TSHZ3: variants seen among roughly 807,000 people sequenced by gnomAD.
TSHZ3 encodes the protein teashirt zinc finger homeobox 3, also known as teashirt homolog 3.
A neutral mutation model predicts 64.5 loss-of-function variants in TSHZ3; 10 were observed. That is an observed-to-expected ratio of 0.16 (90% CI 0.10 to 0.26). The LOEUF is 0.26. Ranked by LOEUF, TSHZ3 falls within the 10% of genes least tolerant of loss-of-function variation. TSHZ3 has a pLI of 1.00. For missense variants in TSHZ3, 1,242 were observed against 1,421.7 expected (o/e 0.87, Z 2.03); for synonymous variants, 608 against 593.1 (o/e 1.03, Z -0.36).
At chr19:31,339,805 A>AGG (rs1292620950) in intron 1 of TSHZ3, among the ~76,000 whole-genome samples, 3 of 150,346 alleles carry the variant, frequency 2.0e-5, no homozygotes, top group Non-Finnish European at 4.4e-5. Context: ...GGAAAAAAAA[A>AGG]AGGGGGGGGC....
chr19:31,183,152 C>T (rs1053380020), intron 5 of TSHZ3, among the ~76,000 whole-genome samples: 1 of 150,594 alleles, frequency 6.6e-6, no homozygotes, highest in Non-Finnish European at 1.5e-5. Context: ...ACAGCCTCTA[C>T]AATCATGTGA....
intron 5 of TSHZ3, among the ~76,000 whole-genome samples, chr19:31,180,361 T>G (rs1402027461): frequency 6.6e-6 from 1 of 152,184 alleles, no homozygotes; most frequent in Non-Finnish European, 1.5e-5. Context: ...TAGCAAATGT[T>G]GGAGATAATC....
chr19:31,276,637 G>T lies in TSHZ3; in HGVS notation c.3156C>A (p.Ser1052Arg). ...TAAGGTGAAGTTTAACAGCGTGCTT[G>T]CTGGCAAAGGTCCGATTGCAAAGTT... is the stretch of plus-strand genomic sequence containing the variant. The part of the protein sequence containing the change: ...QCKLCNRTFA[S>R]KHAVKLHLSK... Residue 1052 changes from serine (S) to arginine (R), a missense_variant, in exon 2 of 2, where the codon AGC becomes AGA. This residue lies in a region of TSHZ3 where 126 missense variants were observed against 140.6 expected (regional missense o/e 0.90). Transcript: ENST00000240587. 1 of 1,611,686 alleles carries T rather than the reference G, an allele frequency of 6.2e-7. No individual in the cohort carries two copies. The highest frequency in any genetic ancestry group is 8.5e-7 in the Non-Finnish European group (1 of 1,178,000).
chr19:31,208,902 A>C (rs1481128839), intron 4 of TSHZ3, among the ~76,000 whole-genome samples: 2 of 152,232 alleles, frequency 1.3e-5, no homozygotes, highest in Non-Finnish European at 2.9e-5. Flanking sequence ...CCAGGATTTT[A>C]GGACGGCTGG....
chr19:31,180,410 G>A (rs1360027081), intron 5 of TSHZ3, among the ~76,000 whole-genome samples: 1 of 152,122 alleles, frequency 6.6e-6, no homozygotes, highest in Admixed American at 6.5e-5. Context: ...TTTCTCTGGT[G>A]CACGTTTCCT....
chr19:31,163,880 C>A (rs1433188673), intron 5 of TSHZ3, among the ~76,000 whole-genome samples: 1 of 152,202 alleles, frequency 6.6e-6, no homozygotes, highest in Non-Finnish European at 1.5e-5. Context: ...GCTTACCCTG[C>A]ACCAGGCACC....
Position 31,278,517 on chromosome 19 carries a change from C to T in TSHZ3, c.1276G>A (p.Val426Met). The part of the protein sequence containing the change: ...NSAMKKGKPI[V>M]ETPVTPTITT... ...ATGGTAGGTGTGACAGGCGTCTCCA[C>T]AATGGGCTTCCCCTTTTTCATAGCA... is the stretch of plus-strand genomic sequence containing the variant. Residue 426 changes from valine (V) to methionine (M), a missense_variant, in exon 2 of 2, where the codon GTG (valine) becomes ATG (methionine). By Grantham distance (21) the Val-to-Met change is conservative. Around this residue, in one of 4 missense-constraint regions of TSHZ3, gnomAD observed 555 missense variants for 704.0 expected, o/e 0.79. Coordinates refer to ENST00000240587, the MANE Select transcript of TSHZ3 (RefSeq NM_020856.4). This position sits in a 1 kb window ranked among gnomAD's most constrained non-coding sequence, Gnocchi z 4.7. The T allele has an allele frequency of 4.3e-6, 7 of 1,614,158 alleles. No homozygotes were observed. The highest frequency in any genetic ancestry group is 5.9e-6 in the Non-Finnish European group (7 of 1,180,038).
Position 31,275,730 on chromosome 19 carries a change from AT to A in TSHZ3, c.*816del, listed in dbSNP as rs1976217565. The stretch of plus-strand genomic sequence containing the variant: ...TTCAGATAATGTTTCTGTATACTTT[AT>A]AAATGCTATCTGTGGTATCTTCTGT... On this transcript the variant is annotated 3_prime_UTR_variant, in exon 2 of 2. Transcript: ENST00000240587. 6.6e-6 allele frequency: 1 copy of A among 152,650 alleles called. No homozygotes were observed. The highest frequency in any genetic ancestry group is 1.5e-5 in the Non-Finnish European group (1 of 68,040). 9.5% of individuals were successfully genotyped at this position (152,650 alleles called of 1,614,324 possible).
Position 31,349,243 on chromosome 19 carries a change from T to C in TSHZ3, c.-24A>G. 6.8e-7 allele frequency: 1 copy of C among 1,470,582 alleles called. No individual in the cohort carries two copies. The highest frequency in any genetic ancestry group is 1.4e-5 in the African/African-American group (1 of 69,528). 91.1% of individuals were successfully genotyped at this position (1,470,582 alleles called of 1,614,324 possible). The stretch of plus-strand genomic sequence containing the variant: ...ATGATGCTTCTCCGGCGACTGCCAC[T>C]GCCGCCGCCGCCGCCGCTGCCGGGC... On this transcript the variant is annotated 5_prime_UTR_variant, in exon 1 of 2. Transcript: ENST00000240587.
At chr19:31,238,772 T>C (rs915512421) in intron 3 of TSHZ3, among the ~76,000 whole-genome samples, 7 of 152,224 alleles carry the variant, frequency 4.6e-5, no homozygotes, top group Admixed American at 6.5e-5. Context: ...AATGTCTTGT[T>C]ATTTATTTTT....
At chr19:31,282,099 C>T (rs2145118873) in intron 1 of TSHZ3, among the ~76,000 whole-genome samples, 1 of 152,302 alleles carries the variant, frequency 6.6e-6, no homozygotes, top group South Asian at 2.1e-4. Flanking sequence ...TTTAGCTAGA[C>T]ACAGCCCACT....
At chr19:31,311,726 ATTTG>A (rs371758869) in intron 1 of TSHZ3, among the ~76,000 whole-genome samples, 11 of 151,666 alleles carry the variant, frequency 7.3e-5, no homozygotes, top group South Asian at 2.1e-4. Flanking sequence ...ACCCCTCTTT[ATTTG>A]TTTGTTTATT....
intron 3 of TSHZ3, among the ~76,000 whole-genome samples, chr19:31,233,759 C>T (rs533623916): frequency 5.3e-5 from 8 of 152,250 alleles, no homozygotes; most frequent in African/African-American, 1.9e-4. Context: ...TTCTTCAAAA[C>T]AACGTGAGCA....
At chr19:31,350,281 C>A (rs1026179336), upstream of TSHZ3, among the ~76,000 whole-genome samples, 9 of 151,082 alleles carry the variant, frequency 6.0e-5, no homozygotes, top group Non-Finnish European at 1.2e-4. Context: ...TCCCCCAGGA[C>A]CCGCCGTAGC....
At chr19:31,181,342 G>A (rs1283118187) in intron 5 of TSHZ3, among the ~76,000 whole-genome samples, 1 of 152,120 alleles carries the variant, frequency 6.6e-6, no homozygotes, top group Non-Finnish European at 1.5e-5. Flanking sequence ...GGGCAGGGTA[G>A]GTTCTGGTAA....
chr19:31,152,251 C>T (rs1193554043), intron 6 of TSHZ3, among the ~76,000 whole-genome samples: 1 of 150,948 alleles, frequency 6.6e-6, no homozygotes, highest in Non-Finnish European at 1.5e-5. Flanking sequence ...AAGCAGGAAC[C>T]AAACTCATGC....
intron 1 of TSHZ3, among the ~76,000 whole-genome samples, chr19:31,321,949 T>C (rs1916784739): frequency 6.6e-6 from 1 of 152,042 alleles, no homozygotes; most frequent in South Asian, 2.1e-4. Flanking sequence ...TCACCTACAT[T>C]AGGTATTGCT....
intron 1 of TSHZ3, among the ~76,000 whole-genome samples, chr19:31,251,627 C>T (rs1040372754): frequency 4.6e-5 from 7 of 152,182 alleles, no homozygotes; most frequent in African/African-American, 1.4e-4. Context: ...CCAACCCTGC[C>T]GTGATATGGG....
chr19:31,220,549 G>A (rs951414003), intron 4 of TSHZ3, among the ~76,000 whole-genome samples: 2 of 152,140 alleles, frequency 1.3e-5, no homozygotes, highest in African/African-American at 4.8e-5. Context: ...TTGGGACTGT[G>A]ATAGTTCTTT....
Sources: gnomAD v4.1 joint callset for allele counts (sites outside exome capture counted in the v4.1 genomes callset) on GRCh38, gnomAD v4.1.1 for gene constraint, gnomAD v4.1.1 regional missense constraint, Gnocchi (gnomAD v3.1) non-coding constraint, MANE v1.5 for transcripts, NCBI Gene and HGNC (gene_info 2026-07-23, HGNC 2026-07-21) for gene names.